Variants in SRL observed in about 807,000 individuals in gnomAD.
SRL encodes the protein sarcalumenin.
In SRL, 23 loss-of-function variants were observed where a neutral mutation model predicts 39.5. The observed-to-expected ratio is 0.58, with a 90% CI of 0.42 to 0.82. SRL has a LOEUF of 0.82. Ranked by LOEUF, SRL falls within the 40% of genes least tolerant of loss-of-function variation. SRL has a pLI of 0.00. For synonymous variants in SRL, 272 were observed against 237.4 expected (o/e 1.15, Z -1.34); for missense variants, 592 against 607.8 (o/e 0.97, Z 0.27).
chr16:4,230,717 T>A (rs911225489), intron 1 of SRL, among the ~76,000 whole-genome samples: 1 of 152,000 alleles, frequency 6.6e-6, no homozygotes, highest in African/African-American at 2.4e-5. Context: ...AAACAGGGTC[T>A]TTGCAAATGT....
chr16:4,236,588 C>T (rs1465944947), intron 1 of SRL, among the ~76,000 whole-genome samples: 1 of 152,072 alleles, frequency 6.6e-6, no homozygotes, highest in East Asian at 1.9e-4. Flanking sequence ...TCCTGCCTAA[C>T]CCCTGCCACC....
At position 4,192,196 on chromosome 16, in the gene SRL, G is replaced by A. The variant is rs1324217667; in HGVS notation, c.1379C>T (p.Thr460Ile). ...ATTTTTTGGTGTTTCGCTACACCCT[G>A]TTTTGTCACAGTTGAGAGCACCTGG... is the stretch of plus-strand genomic sequence containing the variant. ...KNPGALNCDK[T>I]GCSETPKNRY... The change falls in exon 6 of 6, where the codon ACA (threonine) becomes ATA (isoleucine). Residue 460 changes from threonine to isoleucine, a missense_variant. Physicochemically the swap from Thr to Ile is moderately conservative, Grantham distance 89 (BLOSUM62 -1). Coordinates refer to ENST00000399609, the MANE Select transcript of SRL (RefSeq NM_001098814.2). This position sits in a 1 kb window ranked among gnomAD's most constrained non-coding sequence, Gnocchi z 4.0. 1 of 1,583,842 alleles carries A rather than the reference G, an allele frequency of 6.3e-7. No individual in the cohort carries two copies. The highest frequency in any genetic ancestry group is 2.2e-5 in the East Asian group (1 of 44,730).
At chr16:4,241,049 A>T (rs2052767382) in intron 1 of SRL, among the ~76,000 whole-genome samples, 1 of 151,848 alleles carries the variant, frequency 6.6e-6, no homozygotes, top group African/African-American at 2.4e-5. Flanking sequence ...ATTCAACCTC[A>T]AAGACCTGAG....
chr16:4,220,309 A>ACACACACACACACACACACAC (rs1567185106), intron 1 of SRL, among the ~76,000 whole-genome samples: 1 of 151,140 alleles, frequency 6.6e-6, no homozygotes, highest in African/African-American at 2.4e-5. Context: ...ACACACACAC[A>ACACACACACACACACACACAC]AATAACCGGG....
chr16:4,203,959 G>A (rs1394400772), intron 2 of SRL, among the ~76,000 whole-genome samples: 2 of 152,208 alleles, frequency 1.3e-5, no homozygotes, highest in East Asian at 3.9e-4. Context: ...AACCCAGGTG[G>A]CCTCTTTCTA....
At chr16:4,220,935 A>G (rs1889210099) in intron 1 of SRL, among the ~76,000 whole-genome samples, 1 of 152,072 alleles carries the variant, frequency 6.6e-6, no homozygotes, top group African/African-American at 2.4e-5. Context: ...GCAGTGAGCT[A>G]TGATTGTGCC....
intron 1 of SRL, among the ~76,000 whole-genome samples, chr16:4,224,643 G>C (rs545278249): frequency 6.6e-6 from 1 of 151,892 alleles, no homozygotes; most frequent in Non-Finnish European, 1.5e-5. Flanking sequence ...CCCAGGAGAC[G>C]GAGTTTGCAG....
At chr16:4,228,469 C>T (rs1044061363) in intron 1 of SRL, among the ~76,000 whole-genome samples, 1 of 152,050 alleles carries the variant, frequency 6.6e-6, no homozygotes, top group Non-Finnish European at 1.5e-5. Context: ...GACGCAGTGG[C>T]TCACACCTAC....
At chr16:4,194,941 C>A (rs2052116337) in intron 5 of SRL, among the ~76,000 whole-genome samples, 1 of 151,878 alleles carries the variant, frequency 6.6e-6, no homozygotes, top group East Asian at 1.9e-4. Flanking sequence ...GTCACTAAGG[C>A]TGGAGTGCAG....
chr16:4,193,092 CAGACTATTA>C, intron 5 of SRL, 128 bp from the exon 6 acceptor site: 1 of 783,784 alleles, frequency 1.3e-6, no homozygotes, highest in Non-Finnish European at 2.0e-6. Flanking sequence ...TGGGTTTCTA[CAGACTATTA>C]AAAAATCAAT....
At chr16:4,208,808 C>T (rs569050094) in intron 1 of SRL, among the ~76,000 whole-genome samples, 1 of 152,218 alleles carries the variant, frequency 6.6e-6, no homozygotes, top group South Asian at 2.1e-4. Context: ...ATATCTAAAA[C>T]AGGCCGGGCC....
chr16:4,214,858 C>A (rs8053160), intron 1 of SRL, among the ~76,000 whole-genome samples: 29,037 of 151,648 alleles, frequency 0.19, 3,032 homozygotes, highest in Admixed American at 0.25. Context: ...ACCTCTGCCT[C>A]CTGGGTTCAA....
chr16:4,241,345 G>T (rs1044567503), intron 1 of SRL, among the ~76,000 whole-genome samples: 3 of 152,120 alleles, frequency 2.0e-5, no homozygotes, highest in Non-Finnish European at 2.9e-5. Flanking sequence ...ATGTCAAAGG[G>T]AAGCCTCAGC....
intron 1 of SRL, among the ~76,000 whole-genome samples, chr16:4,214,645 G>C (rs976331970): frequency 6.6e-6 from 1 of 152,128 alleles, no homozygotes; most frequent in Non-Finnish European, 1.5e-5. Context: ...CCTTGTTCTA[G>C]ATCTTGTCTC....
At chr16:4,205,351 G>C (rs2052305125) in intron 1 of SRL, among the ~76,000 whole-genome samples, 2 of 152,124 alleles carry the variant, frequency 1.3e-5, no homozygotes, top group African/African-American at 4.8e-5. Context: ...GAGGCTTTAG[G>C]GCTAGGTAGG....
chr16:4,227,893 G>A (rs2052610619), intron 1 of SRL, among the ~76,000 whole-genome samples: 1 of 152,202 alleles, frequency 6.6e-6, no homozygotes, highest in Admixed American at 6.5e-5. Context: ...AAGGCAAGCA[G>A]GCAGAAAGAT....
At chr16:4,217,145 C>T (rs118160921) in intron 1 of SRL, among the ~76,000 whole-genome samples, 1 of 152,282 alleles carries the variant, frequency 6.6e-6, no homozygotes, top group Non-Finnish European at 1.5e-5. Flanking sequence ...GCCAGGCCCA[C>T]GGCTATGCCT....
rs772707454 is a variant in SRL, at chr16:4,192,885, C to G, written c.690G>C (p.Leu230=). ...GCATCTCCAGCTCTAGACCCACATC[C>G]AGCTTTGTTGGGTCAAAGACGACAA... ...LIFVVFDPTK[L]DVGLELEMLF... is the part of the protein sequence containing the mutation. Residue 230 remains leucine (L), a synonymous_variant, in exon 6 of 6, where the codon CTG becomes CTC. Transcript: ENST00000399609. This position sits in a 1 kb window ranked among gnomAD's most constrained non-coding sequence, Gnocchi z 4.0. The G allele has an allele frequency of 3.7e-6, 6 of 1,614,082 alleles. No individual in the cohort carries two copies.
At chr16:4,212,165 G>A (rs1260647653) in intron 1 of SRL, among the ~76,000 whole-genome samples, 5 of 152,268 alleles carry the variant, frequency 3.3e-5, no homozygotes, top group Admixed American at 3.3e-4. Context: ...CTCTTCCCTG[G>A]TTTTCACAAC....
Sources: gnomAD v4.1 joint callset for allele counts (sites outside exome capture counted in the v4.1 genomes callset) on GRCh38, gnomAD v4.1.1 for gene constraint, Gnocchi (gnomAD v3.1) non-coding constraint, MANE v1.5 for transcripts, NCBI Gene and HGNC (gene_info 2026-07-23, HGNC 2026-07-21) for gene names.